PCDHA3: variants seen among roughly 807,000 people sequenced by gnomAD.
The protein encoded by PCDHA3 is protocadherin alpha 3, also known as protocadherin alpha-3.
PCDHA3 carries 41 observed loss-of-function variants against 62.2 expected under a neutral mutation model. The ratio of observed to expected loss-of-function variants is 0.66; its 90% CI spans 0.51 to 0.86. PCDHA3 has a LOEUF of 0.86. Among genes scored for constraint, PCDHA3 ranks in the 40% least tolerant of loss-of-function variants. PCDHA3 has a pLI of 0.00. For missense variants in PCDHA3, 1,304 were observed against 1,241.2 expected, an observed-to-expected ratio of 1.05 and a Z score of -0.76; for synonymous variants, 640 against 555.4, an observed-to-expected ratio of 1.15 and a Z score of -2.14.
At chr5:140,953,546 T>G (rs2094902084) in intron 1 of PCDHA3, among the ~76,000 whole-genome samples, 1 of 152,136 alleles carries the variant, frequency 6.6e-6, no homozygotes, top group African/African-American at 2.4e-5. Context: ...ATGCTGATTC[T>G]TTTCTCCAAG....
At chr5:140,876,154 A>T (rs781957040) in intron 1 of PCDHA3, 4 of 1,613,972 alleles carry the variant, frequency 2.5e-6, no homozygotes, top group Non-Finnish European at 2.5e-6. Context: ...GTCTGTCCAG[A>T]TTCAAATAAC....
intron 1 of PCDHA3, chr5:140,814,617 A>G (rs1554126560): frequency 6.6e-6 from 1 of 152,186 alleles, no homozygotes; most frequent in African/African-American, 2.4e-5. Context: ...GTACTTTTAT[A>G]TAACTGGTAG....
chr5:140,835,663 C>T (rs1249758735), intron 1 of PCDHA3: 8 of 1,613,782 alleles, frequency 5.0e-6, no homozygotes, highest in Non-Finnish European at 6.8e-6. Flanking sequence ...GTGGTTACCG[C>T]GCGGGACGGG....
intron 1 of PCDHA3, among the ~76,000 whole-genome samples, chr5:140,903,368 A>G (rs1554190936): frequency 6.6e-6 from 1 of 152,234 alleles, no homozygotes; most frequent in Non-Finnish European, 1.5e-5. Flanking sequence ...TCAAAAATAT[A>G]GGGAGGATTG....
intron 1 of PCDHA3, chr5:140,967,383 T>A: frequency 6.2e-7 from 1 of 1,608,702 alleles, no homozygotes; most frequent in Non-Finnish European, 8.5e-7. Flanking sequence ...AACAGTAAAG[T>A]GCTTGAGCTG....
At chr5:140,912,721 A>G (rs377668484) in intron 1 of PCDHA3, among the ~76,000 whole-genome samples, 2 of 152,066 alleles carry the variant, frequency 1.3e-5, no homozygotes, top group East Asian at 1.9e-4. Flanking sequence ...TCTCCATTCA[A>G]TATGATGTTG....
chr5:140,901,177 G>T (rs2068485979), intron 1 of PCDHA3, among the ~76,000 whole-genome samples: 1 of 152,034 alleles, frequency 6.6e-6, no homozygotes, highest in African/African-American at 2.4e-5. Flanking sequence ...TCACTTTGTT[G>T]ATTGTTTGCT....
At chr5:140,834,123 CTT>C (rs1476989067) in intron 1 of PCDHA3, 8 of 438,204 alleles carry the variant, frequency 1.8e-5, no homozygotes, top group Admixed American at 7.9e-5. Flanking sequence ...TGAAATAAAA[CTT>C]TTCATCTGAT....
intron 1 of PCDHA3, among the ~76,000 whole-genome samples, chr5:140,903,411 A>G (rs265314): frequency 0.015 from 2,274 of 152,338 alleles, 53 homozygotes; most frequent in African/African-American, 0.052. Flanking sequence ...TGCAGTCAGG[A>G]AAAATTCAGC....
At chr5:140,829,831 G>T in intron 1 of PCDHA3, 2 of 1,613,918 alleles carry the variant, frequency 1.2e-6, no homozygotes, top group East Asian at 2.2e-5. Context: ...TGAGCGAGCT[G>T]GTGCCGCGGT....
intron 1 of PCDHA3, among the ~76,000 whole-genome samples, chr5:140,931,965 CAT>C (rs1195736359): frequency 6.6e-6 from 1 of 151,852 alleles, no homozygotes; most frequent in African/African-American, 2.4e-5. Context: ...CATGTTGATG[CAT>C]ATGTGTTTAT....
At position 140,959,344 on chromosome 5, in the gene PCDHA3, C is replaced by T. The variant is rs541663379; in HGVS notation, c.2395-19605C>T. Among the ~76,000 whole-genome samples the T allele has an allele frequency of 2.0e-4, 30 of 152,112 alleles. No individual in the cohort carries two copies. The South Asian group carries it at 6.0e-3, about 31-fold the overall frequency. On this transcript the variant is annotated intron_variant, in intron 1 of 3. Coordinates refer to ENST00000522353, the MANE Select transcript of PCDHA3 (RefSeq NM_018906.3). Reference sequence around the variant, plus strand: ...AAGTTTTGATTATGCTACTGCACTCCAGCGGGACAACTGAGTGAGACCCTG... The same window carrying T: ...AAGTTTTGATTATGCTACTGCACTCTAGCGGGACAACTGAGTGAGACCCTG...
chr5:140,812,087 C>A (rs1645799972), intron 1 of PCDHA3: 1 of 149,340 alleles, frequency 6.7e-6, no homozygotes, highest in African/African-American at 2.5e-5. Flanking sequence ...AAACAATTAT[C>A]ATTGATTCTT....
At chr5:140,871,376 G>GCT (rs782235924) in intron 1 of PCDHA3, 26 of 1,614,078 alleles carry the variant, frequency 1.6e-5, no homozygotes, top group South Asian at 1.4e-4. Flanking sequence ...CAGAGGGTGT[G>GCT]CTCTGAGGAG....
intron 1 of PCDHA3, chr5:140,841,266 CAG>C (rs1777120353): frequency 6.6e-7 from 1 of 1,522,182 alleles, no homozygotes; most frequent in African/African-American, 1.4e-5. Flanking sequence ...TCTGAAAGTA[CAG>C]TCGTTCATCT....
intron 1 of PCDHA3, chr5:140,969,476 A>G: frequency 6.8e-7 from 1 of 1,473,576 alleles, no homozygotes; most frequent in Non-Finnish European, 9.0e-7. Context: ...CAATTTGATC[A>G]TAATCTGCTA....
chr5:140,847,349 A>T (rs1213665115), intron 1 of PCDHA3: 5 of 149,876 alleles, frequency 3.3e-5, no homozygotes, highest in Admixed American at 6.7e-5. Flanking sequence ...TTAGGCTGTT[A>T]TCAGTAGAAA....
intron 1 of PCDHA3, chr5:140,968,458 T>C: frequency 6.2e-7 from 1 of 1,614,148 alleles, no homozygotes; most frequent in East Asian, 2.2e-5. Flanking sequence ...GCACTGTGAC[T>C]GCCAACGTAT....
At chr5:140,842,993 G>C in intron 1 of PCDHA3, 1 of 1,595,048 alleles carries the variant, frequency 6.3e-7, no homozygotes, top group Non-Finnish European at 8.6e-7. Flanking sequence ...CGTGCTGGAC[G>C]AGAATGACAA....
Sources: allele counts gnomAD v4.1 joint callset (sites outside exome capture counted in the v4.1 genomes callset), GRCh38; gene constraint gnomAD v4.1.1; transcripts MANE v1.5; gene names NCBI Gene and HGNC (gene_info 2026-07-23, HGNC 2026-07-21).